SLC9A8: variants seen among roughly 807,000 people sequenced by gnomAD.
SLC9A8 encodes solute carrier family 9 member A8, also known as sodium/hydrogen exchanger 8.
A neutral mutation model predicts 66.6 loss-of-function variants in SLC9A8; 48 were observed. The observed-to-expected ratio is 0.72, with a 90% CI of 0.57 to 0.92. The LOEUF (loss-of-function observed/expected upper bound fraction) is 0.92. Among genes scored for constraint, SLC9A8 ranks in the 40% least tolerant of loss-of-function variants. The pLI is 0.00. For synonymous variants in SLC9A8, 274 were observed against 282.6 expected, an observed-to-expected ratio of 0.97 and a Z score of 0.31; for missense variants, 599 against 747.3, an observed-to-expected ratio of 0.80 and a Z score of 2.31.
Position 49,884,320 on chromosome 20 carries a change from ACACACACACACACACACC to A in SLC9A8, c.1491+256_1491+273del, listed in dbSNP as rs1271559211. Among the ~76,000 whole-genome samples, 3 of 144,032 alleles carry A rather than the reference ACACACACACACACACACC, an allele frequency of 2.1e-5. 1 individual carries two copies. Among genetic ancestry groups the A allele is most frequent in the African/African-American group, 7.9e-5 (3 of 38,010 alleles). The allele number at this position is 144,032 out of a possible 152,430, so 94.5% of individuals were successfully genotyped here. A position where few individuals can be genotyped will look rare whatever the true frequency, so the allele number is the denominator to read the frequency against. ...CACACACACACACACACACACACACACACACACACACACACACCCCCCGGTCATCCCCCCTGAGAAGGA... is the reference window on the plus strand; with the variant it reads ...CACACACACACACACACACACACACACCCCGGTCATCCCCCCTGAGAAGGA... On this transcript the variant is annotated intron_variant, in intron 14 of 15. Transcript: ENST00000361573.
At chr20:49,814,267 T>C (rs2086465603) in intron 1 of SLC9A8, among the ~76,000 whole-genome samples, 1 of 152,198 alleles carries the variant, frequency 6.6e-6, no homozygotes, top group African/African-American at 2.4e-5. Context: ...GCCTTAGTTA[T>C]GCATGAGTAA....
At chr20:49,875,855 C>T (rs550772950) in intron 11 of SLC9A8, among the ~76,000 whole-genome samples, 3 of 152,224 alleles carry the variant, frequency 2.0e-5, no homozygotes, top group Admixed American at 1.3e-4. Flanking sequence ...CTACCTCAGC[C>T]TCCGGAGTAG....
intron 12 of SLC9A8, among the ~76,000 whole-genome samples, chr20:49,879,140 G>A (rs1321582954): frequency 6.6e-6 from 1 of 152,166 alleles, no homozygotes; most frequent in Non-Finnish European, 1.5e-5. Context: ...AAACAGGGAG[G>A]TGACTATTTC....
chr20:49,884,336 A>ACACACACACACACACACACACACACAC (rs1568884621), intron 14 of SLC9A8, among the ~76,000 whole-genome samples: 2 of 108,478 alleles, frequency 1.8e-5, no homozygotes, highest in South Asian at 3.1e-4. Context: ...ACACACACAC[A>ACACACACACACACACACACACACACAC]CCCCCCGGTC....
intron 4 of SLC9A8, among the ~76,000 whole-genome samples, chr20:49,842,059 A>ATTTTAT (rs1333572870): frequency 4.6e-4 from 65 of 142,376 alleles, no homozygotes; most frequent in Non-Finnish European, 8.3e-4. Context: ...ATTTTATTTT[A>ATTTTAT]TTTTTTTTTT....
intron 8 of SLC9A8, among the ~76,000 whole-genome samples, chr20:49,859,282 C>T (rs183240675): frequency 8.5e-5 from 13 of 152,274 alleles, no homozygotes; most frequent in Admixed American, 5.2e-4. Context: ...ATTTGACAGT[C>T]GGTCCATGAT....
chr20:49,850,310 C>T (rs574323600), intron 6 of SLC9A8, among the ~76,000 whole-genome samples: 1 of 152,316 alleles, frequency 6.6e-6, no homozygotes, highest in South Asian at 2.1e-4. Flanking sequence ...TTATGCATGT[C>T]CATGCATGTC....
chr20:49,860,870 G>A (rs1386067044), intron 8 of SLC9A8, among the ~76,000 whole-genome samples: 3 of 152,146 alleles, frequency 2.0e-5, no homozygotes, highest in Admixed American at 1.3e-4. Context: ...TTTAAGCCCC[G>A]GACATAAGGC....
chr20:49,859,252 C>T (rs750424027), intron 8 of SLC9A8, among the ~76,000 whole-genome samples: 2 of 152,200 alleles, frequency 1.3e-5, no homozygotes, highest in Non-Finnish European at 2.9e-5. Flanking sequence ...GTGTGCCAGA[C>T]ACTGCTGAGA....
At chr20:49,871,992 G>A (rs1033579360) in intron 10 of SLC9A8, among the ~76,000 whole-genome samples, 10 of 152,182 alleles carry the variant, frequency 6.6e-5, no homozygotes, top group Non-Finnish European at 7.3e-5. Flanking sequence ...CCGAGACTGC[G>A]CCTCTAATCC....
At chr20:49,828,277 T>A (rs918740739) in intron 3 of SLC9A8, among the ~76,000 whole-genome samples, 2 of 151,884 alleles carry the variant, frequency 1.3e-5, no homozygotes, top group Non-Finnish European at 2.9e-5. Flanking sequence ...AAACAGGGTT[T>A]CACCATGTTA....
intron 10 of SLC9A8, among the ~76,000 whole-genome samples, chr20:49,872,920 T>A (rs965377823): frequency 1.3e-5 from 2 of 152,230 alleles, no homozygotes; most frequent in Non-Finnish European, 2.9e-5. Flanking sequence ...GATGATTTTT[T>A]AAGACAATCT....
Position 49,886,042 on chromosome 20 carries a change from G to A in SLC9A8, c.1492-710G>A, listed in dbSNP as rs1021923230. Among the ~76,000 whole-genome samples, 2 of 152,242 alleles carry A rather than the reference G, an allele frequency of 1.3e-5. No homozygotes were observed. The highest frequency in any genetic ancestry group is 4.8e-5 in the African/African-American group (2 of 41,544). On this transcript the variant is annotated intron_variant, in intron 14 of 15. Transcript: ENST00000361573. This position sits in a 1 kb window ranked among gnomAD's most constrained non-coding sequence, Gnocchi z 4.8. ...TACAGACCAGTGTTTGACAACCACT[G>A]CTTCACAGCATCTAAATGCCCTCCC...
intron 3 of SLC9A8, among the ~76,000 whole-genome samples, chr20:49,833,801 T>A (rs2087312330): frequency 6.6e-6 from 1 of 152,204 alleles, no homozygotes; most frequent in Admixed American, 6.5e-5. Flanking sequence ...CAACAAATAA[T>A]CATTAATTGC....
intron 3 of SLC9A8, chr20:49,830,344 T>C: frequency 5.3e-6 from 5 of 939,426 alleles, no homozygotes; most frequent in South Asian, 1.3e-5. Flanking sequence ...GATTTGTTCA[T>C]CTAGGAGGGG....
intron 3 of SLC9A8, among the ~76,000 whole-genome samples, chr20:49,826,702 A>G (rs1270399557): frequency 4.6e-5 from 7 of 152,244 alleles, no homozygotes; most frequent in Middle Eastern, 3.4e-3. Flanking sequence ...TACTTTCCAT[A>G]CTTTATGGAA....
At chr20:49,833,838 G>T (rs1020973264) in intron 3 of SLC9A8, among the ~76,000 whole-genome samples, 1 of 152,162 alleles carries the variant, frequency 6.6e-6, no homozygotes, top group African/African-American at 2.4e-5. Context: ...GAATTGAGGG[G>T]TGTCCTTAAT....
At chr20:49,853,426 G>A (rs2088333387) in intron 7 of SLC9A8, among the ~76,000 whole-genome samples, 1 of 152,232 alleles carries the variant, frequency 6.6e-6, no homozygotes, top group Non-Finnish European at 1.5e-5. Flanking sequence ...ACAGGCGTGA[G>A]CCACTGTGCC....
intron 8 of SLC9A8, among the ~76,000 whole-genome samples, chr20:49,860,508 A>G (rs673010): frequency 0.8 from 121,531 of 151,940 alleles, 48,619 homozygotes; most frequent in East Asian, 0.84. Context: ...CTTGAGGGTA[A>G]GAGTTCCATA....
Sources: gnomAD v4.1 joint callset for allele counts (sites outside exome capture counted in the v4.1 genomes callset) on GRCh38, gnomAD v4.1.1 for gene constraint, Gnocchi (gnomAD v3.1) non-coding constraint, MANE v1.5 for transcripts, NCBI Gene and HGNC (gene_info 2026-07-23, HGNC 2026-07-21) for gene names.